FHAD1: variants seen among roughly 807,000 people sequenced by gnomAD.
FHAD1 encodes forkhead-associated domain-containing protein 1.
A neutral mutation model predicts 191.3 loss-of-function variants in FHAD1; 146 were observed. That is an observed-to-expected ratio of 0.76 (90% CI 0.67 to 0.88). FHAD1 has a LOEUF of 0.88. Among genes scored for constraint, FHAD1 ranks in the 40% least tolerant of loss-of-function variants. The probability of loss-of-function intolerance (pLI) is 0.00; values close to 1 mark genes in which losing one functional copy is unlikely to be tolerated. For missense variants in FHAD1, 1,635 were observed against 1,785.8 expected (o/e 0.92, Z 1.52); for synonymous variants, 616 against 672.3 (o/e 0.92, Z 1.29).
intron 14 of FHAD1, among the ~76,000 whole-genome samples, chr1:15,331,928 G>A (rs1163899942): frequency 6.6e-6 from 1 of 151,846 alleles, no homozygotes; most frequent in Non-Finnish European, 1.5e-5. Flanking sequence ...GCACAGGGCC[G>A]CACCTTAAGG....
rs952899375 is a variant in FHAD1, at chr1:15,318,437, C to A, written c.1365+509C>A. ...TCACCTGAGGTCAGGAGTTCGAGACCAGCCTGGCCAATGTGGTGAAACCCC... is the reference window on the plus strand; with the variant it reads ...TCACCTGAGGTCAGGAGTTCGAGACAAGCCTGGCCAATGTGGTGAAACCCC... On this transcript the variant is annotated intron_variant, in intron 10 of 33. Transcript: ENST00000688493. The surrounding 1 kb of genome is among the most constrained non-coding windows in gnomAD (Gnocchi z 4.1). Among the ~76,000 whole-genome samples, 30 of 152,170 alleles carry A rather than the reference C, an allele frequency of 2.0e-4. No individual in the cohort carries two copies. The highest frequency in any genetic ancestry group is 6.7e-4 in the African/African-American group (28 of 41,522).
chr1:15,308,057 G>A (rs1260870610), intron 6 of FHAD1, among the ~76,000 whole-genome samples: 1 of 152,166 alleles, frequency 6.6e-6, no homozygotes, highest in Non-Finnish European at 1.5e-5. Flanking sequence ...CCAGTCTCGG[G>A]TATGTCTTTA....
At chr1:15,282,585 A>G (rs36072711) in intron 3 of FHAD1, among the ~76,000 whole-genome samples, 3,032 of 152,348 alleles carry the variant, frequency 0.02, 30 homozygotes, top group African/African-American at 0.035. Context: ...TCACATGTTC[A>G]TCAATGACAT....
chr1:15,388,802 C>T (rs1049255834), intron 32 of FHAD1, among the ~76,000 whole-genome samples: 2 of 152,190 alleles, frequency 1.3e-5, no homozygotes. Flanking sequence ...CCTTGCTGGA[C>T]TTTCCCCCTA....
intron 14 of FHAD1, among the ~76,000 whole-genome samples, chr1:15,331,878 C>T (rs1388491463): frequency 6.6e-6 from 1 of 152,106 alleles, no homozygotes; most frequent in Non-Finnish European, 1.5e-5. Flanking sequence ...GTCATGTAAG[C>T]TCATGACCTA....
intron 16 of FHAD1, among the ~76,000 whole-genome samples, chr1:15,343,608 C>T (rs776350013): frequency 6.6e-6 from 1 of 151,854 alleles, no homozygotes; most frequent in Non-Finnish European, 1.5e-5. Flanking sequence ...TCTGCATTTG[C>T]GAAATAAAAG....
chr1:15,358,138 A>G lies in FHAD1; in HGVS notation c.2591A>G (p.Asp864Gly), dbSNP rs774510387. The change falls in exon 21 of 34, where the codon GAC becomes GGC. Residue 864 changes from aspartate to glycine, a missense_variant. Transcript: ENST00000688493. ...TTAGAATTAAAAGAGCAAAAAGAGG[A>G]CGTTTTAAATAATAAATTAAGTGAC... ...EELELKEQKE[D>G]VLNNKLSDAL... 6.6e-7 allele frequency: 1 copy of G among 1,512,194 alleles called. No individual in the cohort carries two copies. The highest frequency in any genetic ancestry group is 8.8e-7 in the Non-Finnish European group (1 of 1,137,250). 93.7% of individuals were successfully genotyped at this position (1,512,194 alleles called of 1,614,324 possible).
At chr1:15,293,486 A>G (rs975762361) in intron 4 of FHAD1, among the ~76,000 whole-genome samples, 3 of 152,112 alleles carry the variant, frequency 2.0e-5, no homozygotes, top group Admixed American at 6.5e-5. Context: ...TTGGGAGGCC[A>G]AGGAGGGCGA....
chr1:15,328,056 A>G, intron 12 of FHAD1: 1 of 332,018 alleles, frequency 3.0e-6, no homozygotes, highest in Non-Finnish European at 5.4e-6. Flanking sequence ...AAGAAAAGAA[A>G]AAAGAAAAGA....
chr1:15,397,317 C>A lies in FHAD1; in HGVS notation c.4344C>A (p.Ser1448=). Residue 1448 remains serine, a synonymous_variant, in exon 34 of 34, where the codon TCC becomes TCA. Coordinates refer to ENST00000688493, the MANE Select transcript of FHAD1 (RefSeq NM_001391957.1). ...TAAAGGTTGGAACCAGAAAAGCCTCCCTAAAGATGGACCAAGAAAGAGAGA... is the reference window on the plus strand; with the variant it reads ...TAAAGGTTGGAACCAGAAAAGCCTCACTAAAGATGGACCAAGAAAGAGAGA... ...SNSQVGTRKA[S]LKMDQEREML... is the part of the protein sequence containing the mutation. The A allele has an allele frequency of 6.5e-7, 1 of 1,537,630 alleles. No homozygotes were observed. Among genetic ancestry groups the A allele is most frequent in the Non-Finnish European group, 8.8e-7 (1 of 1,137,936 alleles).
Position 15,309,677 on chromosome 1 carries a change from A to AT in FHAD1, c.1039+952dup, listed in dbSNP as rs574894791. 3.4e-3 allele frequency among the ~76,000 whole-genome samples: 492 copies of AT among 145,156 alleles called. 10 individuals are homozygous for AT. Among genetic ancestry groups the AT allele is most frequent in the Admixed American group, 0.025 (359 of 14,596 alleles). Reference sequence around the variant, plus strand: ...ATTATGAGATTTTTTTTTTTTAGCGATTTTTTTTTTTAGCTCATCAGTTAT... The same window carrying AT: ...ATTATGAGATTTTTTTTTTTTAGCGATTTTTTTTTTTTAGCTCATCAGTTAT... On this transcript the variant is annotated intron_variant, in intron 7 of 33. Coordinates refer to ENST00000688493, the MANE Select transcript of FHAD1 (RefSeq NM_001391957.1).
intron 28 of FHAD1, among the ~76,000 whole-genome samples, chr1:15,379,274 C>T (rs960626108): frequency 6.6e-6 from 1 of 152,140 alleles, no homozygotes; most frequent in Non-Finnish European, 1.5e-5. Context: ...CAGACAAACA[C>T]GTGAGCAAAG....
At chr1:15,254,842 A>C (rs1246298861) in intron 2 of FHAD1, among the ~76,000 whole-genome samples, 1 of 152,224 alleles carries the variant, frequency 6.6e-6, no homozygotes. Flanking sequence ...GCTTAAATGG[A>C]TTTGGGAGAG....
At position 15,381,914 on chromosome 1, in the gene FHAD1, C is replaced by A. The variant is rs1356129020; in HGVS notation, c.4023-114C>A. On this transcript the variant is annotated intron_variant, in intron 30 of 33. Coordinates refer to ENST00000688493, the MANE Select transcript of FHAD1 (RefSeq NM_001391957.1). The surrounding 1 kb of genome is among the most constrained non-coding windows in gnomAD (Gnocchi z 4.6). The stretch of plus-strand genomic sequence containing the variant: ...TCATGCTCTCCTGCTTGTGATGACA[C>A]TCCTGAGTGAGCCCCCACTGTGGAT... The A allele has an allele frequency of 1.7e-6, 2 of 1,169,498 alleles. No homozygotes were observed. Among genetic ancestry groups the A allele is most frequent in the East Asian group, 2.6e-5 (1 of 38,628 alleles). The allele number at this position is 1,169,498 out of a possible 1,614,324, so 72.4% of individuals were successfully genotyped here. A position where few individuals can be genotyped will look rare whatever the true frequency, so the allele number is the denominator to read the frequency against.
intron 3 of FHAD1, among the ~76,000 whole-genome samples, chr1:15,285,567 T>C (rs915048425): frequency 1.9e-4 from 29 of 149,084 alleles, no homozygotes; most frequent in Non-Finnish European, 3.4e-4. Flanking sequence ...AAATAAAACT[T>C]TTTTTTTTTA....
rs1489802404 is a variant in FHAD1, at chr1:15,311,722, C to T, written c.1040-1335C>T. On this transcript the variant is annotated intron_variant, in intron 7 of 33. Coordinates refer to ENST00000688493, the MANE Select transcript of FHAD1 (RefSeq NM_001391957.1). The surrounding 1 kb of genome is among the most constrained non-coding windows in gnomAD (Gnocchi z 4.1). ...AGGACCGTATGAGATAACCCAATAC[C>T]ACTGCATTATGCACCCTTCTTCTCA... Among the ~76,000 whole-genome samples, 1 of 152,126 alleles carries T rather than the reference C, an allele frequency of 6.6e-6. No homozygotes were observed. Among genetic ancestry groups the T allele is most frequent in the Non-Finnish European group, 1.5e-5 (1 of 68,020 alleles).
chr1:15,385,419 CT>C (rs544532206), intron 31 of FHAD1, among the ~76,000 whole-genome samples: 88 of 152,274 alleles, frequency 5.8e-4, no homozygotes, highest in Non-Finnish European at 1.1e-3. Flanking sequence ...CTATCCGCCC[CT>C]GACACACAGA....
At chr1:15,348,930 C>T (rs1689865442) in intron 18 of FHAD1, 112 bp from the exon 19 acceptor site, 2 of 743,126 alleles carry the variant, frequency 2.7e-6, no homozygotes, top group Admixed American at 2.7e-5. Flanking sequence ...AATAGCCGCC[C>T]CAACACTTTG....
chr1:15,348,458 A>G (rs1385308518), intron 18 of FHAD1, among the ~76,000 whole-genome samples: 1 of 152,206 alleles, frequency 6.6e-6, no homozygotes, highest in African/African-American at 2.4e-5. Context: ...AACTTCCCAG[A>G]CAAAACTCCT....
Sources: gnomAD v4.1 joint callset for allele counts (sites outside exome capture counted in the v4.1 genomes callset) on GRCh38, gnomAD v4.1.1 for gene constraint, Gnocchi (gnomAD v3.1) non-coding constraint, MANE v1.5 for transcripts, NCBI Gene and HGNC (gene_info 2026-07-23, HGNC 2026-07-21) for gene names.